Variants in AKIRIN2 observed in about 807,000 individuals in gnomAD.
AKIRIN2 encodes akirin-2.
In AKIRIN2, 6 loss-of-function variants were observed where a neutral mutation model predicts 29.3. The ratio of observed to expected loss-of-function variants is 0.20; its 90% CI spans 0.11 to 0.40. AKIRIN2 has a LOEUF of 0.40. Among genes scored for constraint, AKIRIN2 ranks in the 10% least tolerant of loss-of-function variants. The pLI is 1.00. For missense variants in AKIRIN2, 210 were observed against 276.1 expected, an observed-to-expected ratio of 0.76 and a Z score of 1.70; for synonymous variants, 128 against 117.5, an observed-to-expected ratio of 1.09 and a Z score of -0.58.
chr6:87,695,149 TG>T (rs1771338217), intron 1 of AKIRIN2, among the ~76,000 whole-genome samples: 1 of 152,214 alleles, frequency 6.6e-6, no homozygotes, highest in Non-Finnish European at 1.5e-5. Context: ...TTCTTATACA[TG>T]GGGCTACTTA....
intron 1 of AKIRIN2, among the ~76,000 whole-genome samples, chr6:87,698,927 G>A (rs1053447276): frequency 6.6e-6 from 1 of 152,084 alleles, no homozygotes; most frequent in Non-Finnish European, 1.5e-5. Flanking sequence ...GTATCTAGAG[G>A]AGAACAATGA....
At chr6:87,701,209 G>A (rs79171703) in intron 1 of AKIRIN2, among the ~76,000 whole-genome samples, 4,765 of 151,996 alleles carry the variant, frequency 0.031, 253 homozygotes, top group African/African-American at 0.11. Flanking sequence ...ACCCAATACG[G>A]GCAAGGCAAA....
intron 1 of AKIRIN2, among the ~76,000 whole-genome samples, chr6:87,696,923 T>C (rs1388900788): frequency 3.3e-5 from 5 of 150,626 alleles, no homozygotes; most frequent in South Asian, 4.2e-4. Context: ...GGAGAATCTC[T>C]TGAAACTAGG....
At position 87,675,513 on chromosome 6, in the gene AKIRIN2, T is replaced by C. The variant is rs1770954811; in HGVS notation, c.*84A>G. The C allele has an allele frequency of 5.2e-6, 8 of 1,546,578 alleles. No homozygotes were observed. Among genetic ancestry groups the C allele is most frequent in the Middle Eastern group, 1.7e-4 (1 of 5,930 alleles). On this transcript the variant is annotated 3_prime_UTR_variant, in exon 5 of 5. Transcript: ENST00000257787. ...ATAACCTGTATTCACAGAAGGGGTA[T>C]TGGCATTGCTGCATGTCATAATTGG... is the stretch of plus-strand genomic sequence containing the variant.
chr6:87,681,694 A>G lies in AKIRIN2; in HGVS notation c.305T>C (p.Phe102Ser). The G allele has an allele frequency of 6.2e-7, 1 of 1,613,454 alleles. No individual in the cohort carries two copies. Among genetic ancestry groups the G allele is most frequent in the South Asian group, 1.1e-5 (1 of 90,988 alleles). ...MQKRRHLETSFQQTDPCCTSD... is the reference protein window; with the variant it reads ...MQKRRHLETSSQQTDPCCTSD... The stretch of plus-strand genomic sequence containing the variant: ...AGTACAACACGGATCTGTCTGTTGG[A>G]AACTCGTTTCTAAATGTCTTCTCTT... Residue 102 changes from phenylalanine (F) to serine (S), a missense_variant, in exon 2 of 5, where the codon TTC (phenylalanine) becomes TCC (serine). Phe to Ser is a radical substitution (Grantham distance 155, BLOSUM62 -2). Transcript: ENST00000257787.
Position 87,675,446 on chromosome 6 carries a change from T to C in AKIRIN2, c.*151A>G, listed in dbSNP as rs572502868. 19 of 1,070,710 alleles carry C rather than the reference T, an allele frequency of 1.8e-5. No homozygotes were observed. Among genetic ancestry groups the C allele is most frequent in the Non-Finnish European group, 2.5e-5 (18 of 721,228 alleles). 66.3% of individuals were successfully genotyped at this position (1,070,710 alleles called of 1,614,324 possible). A position where few individuals can be genotyped will look rare whatever the true frequency, so the allele number is the denominator to read the frequency against. ...ACATCAGGGAAATTTCCAAAACCAG[T>C]TGCTGCTGCCTAAGAGTGGTTGCCA... On this transcript the variant is annotated 3_prime_UTR_variant, in exon 5 of 5. Coordinates refer to ENST00000257787, the MANE Select transcript of AKIRIN2 (RefSeq NM_018064.4).
intron 3 of AKIRIN2, among the ~76,000 whole-genome samples, 195 bp downstream of exon 3, chr6:87,677,623 A>AG (rs1304634374): frequency 6.6e-6 from 1 of 152,220 alleles, no homozygotes; most frequent in Non-Finnish European, 1.5e-5. Flanking sequence ...CTACACGGCT[A>AG]GCCAATACTC....
intron 1 of AKIRIN2, among the ~76,000 whole-genome samples, chr6:87,697,030 C>A (rs995962412): frequency 6.6e-6 from 1 of 151,326 alleles, no homozygotes; most frequent in East Asian, 1.9e-4. Context: ...AAAAAAAAGC[C>A]GGCGGCACAG....
chr6:87,677,310 A>AT (rs1488705840), intron 3 of AKIRIN2, among the ~76,000 whole-genome samples: 1 of 152,200 alleles, frequency 6.6e-6, no homozygotes, highest in Non-Finnish European at 1.5e-5. Flanking sequence ...ATTCCTTAAA[A>AT]TAAAAAAGCT....
chr6:87,677,264 G>A (rs1771030908), intron 3 of AKIRIN2, among the ~76,000 whole-genome samples: 1 of 151,948 alleles, frequency 6.6e-6, no homozygotes, highest in African/African-American at 2.4e-5. Context: ...ATATATCTAA[G>A]CAAATTATCT....
At chr6:87,677,333 T>C (rs989845681) in intron 3 of AKIRIN2, among the ~76,000 whole-genome samples, 1 of 152,340 alleles carries the variant, frequency 6.6e-6, no homozygotes, top group Non-Finnish European at 1.5e-5. Flanking sequence ...CATATCTATA[T>C]AAACAGTAAA....
chr6:87,687,724 G>A (rs970014744), intron 1 of AKIRIN2, among the ~76,000 whole-genome samples: 1 of 152,198 alleles, frequency 6.6e-6, no homozygotes, highest in Non-Finnish European at 1.5e-5. Flanking sequence ...GCAGGTAAAT[G>A]TAAGTTTTAC....
At chr6:87,685,256 C>G (rs1295745972) in intron 1 of AKIRIN2, among the ~76,000 whole-genome samples, 1 of 152,196 alleles carries the variant, frequency 6.6e-6, no homozygotes. Flanking sequence ...TGGCCTCAAG[C>G]TCAATTTATT....
rs573078024 is a variant in AKIRIN2 at position 87,688,623 on chromosome 6, G to C, written c.236-6860C>G. Among the ~76,000 whole-genome samples, 349 of 152,232 alleles carry C rather than the reference G, an allele frequency of 2.3e-3. 1 individual carries two copies. Among genetic ancestry groups the C allele is most frequent in the African/African-American group, 8.1e-3 (335 of 41,530 alleles). On this transcript the variant is annotated intron_variant, in intron 1 of 4. Coordinates refer to ENST00000257787, the MANE Select transcript of AKIRIN2 (RefSeq NM_018064.4). Reference sequence around the variant, plus strand: ...AAATTAGCCAAGCATGCTGGCATGTGCCTGTAATCCTAGTTATCCGGGAGG... The same window carrying C: ...AAATTAGCCAAGCATGCTGGCATGTCCCTGTAATCCTAGTTATCCGGGAGG...
chr6:87,690,956 G>T (rs1199762795), intron 1 of AKIRIN2, among the ~76,000 whole-genome samples: 2 of 151,810 alleles, frequency 1.3e-5, no homozygotes, highest in African/African-American at 4.8e-5. Context: ...CTGGGCAACA[G>T]AGTGAGACGG....
intron 1 of AKIRIN2, chr6:87,700,697 A>G (rs971477067): frequency 9.2e-5 from 14 of 152,718 alleles, no homozygotes; most frequent in African/African-American, 2.7e-4. Context: ...TGTTGGGCAA[A>G]AATAAAACAT....
intron 1 of AKIRIN2, among the ~76,000 whole-genome samples, chr6:87,696,699 C>CA (rs35676911): frequency 0.33 from 28,551 of 87,550 alleles, 4,356 homozygotes; most frequent in Admixed American, 0.39. Flanking sequence ...AGACTCCATC[C>CA]AAAAAAAAAA....
chr6:87,696,984 C>T (rs1362887794), intron 1 of AKIRIN2, among the ~76,000 whole-genome samples: 1 of 149,530 alleles, frequency 6.7e-6, no homozygotes, highest in East Asian at 2.0e-4. Flanking sequence ...CTAGCCTAGG[C>T]GACAGAGTGA....
intron 1 of AKIRIN2, among the ~76,000 whole-genome samples, chr6:87,688,778 G>A (rs1296815602): frequency 2.6e-5 from 4 of 151,908 alleles, no homozygotes; most frequent in Non-Finnish European, 4.4e-5. Context: ...ACAATAAATG[G>A]AGAAGAAGGG....
Sources: gnomAD v4.1 joint callset for allele counts (sites outside exome capture counted in the v4.1 genomes callset) on GRCh38, gnomAD v4.1.1 for gene constraint, MANE v1.5 for transcripts, NCBI Gene and HGNC (gene_info 2026-07-23, HGNC 2026-07-21) for gene names.